Variants in PIK3C2G observed in about 807,000 individuals in gnomAD.
PIK3C2G encodes the protein phosphatidylinositol-4-phosphate 3-kinase catalytic subunit type 2 gamma.
In PIK3C2G, 168 loss-of-function variants were observed where a neutral mutation model predicts 181.1. The observed-to-expected ratio is 0.93, with a 90% CI of 0.82 to 1.05. The LOEUF is 1.05. Among genes scored for constraint, PIK3C2G ranks in the 50% least tolerant of loss-of-function variants. The pLI is 0.00. For synonymous variants in PIK3C2G, 573 were observed against 592.2 expected (o/e 0.97, Z 0.47); for missense variants, 1,869 against 1,732.8 (o/e 1.08, Z -1.40).
At chr12:18,404,526 A>G (rs1361150723) in intron 16 of PIK3C2G, among the ~76,000 whole-genome samples, 1 of 152,192 alleles carries the variant, frequency 6.6e-6, no homozygotes, top group Non-Finnish European at 1.5e-5. Flanking sequence ...TCTTTCAAGG[A>G]AAGTAAGGAA....
intron 5 of PIK3C2G, among the ~76,000 whole-genome samples, chr12:18,313,513 T>A (rs767992460): frequency 6.6e-5 from 10 of 152,110 alleles, no homozygotes; most frequent in Non-Finnish European, 1.0e-4. Context: ...CACATCCCAA[T>A]GCTTTCTTGA....
At chr12:18,244,276 G>A (rs1327594939), upstream of PIK3C2G, among the ~76,000 whole-genome samples, 1 of 151,928 alleles carries the variant, frequency 6.6e-6, no homozygotes, top group Non-Finnish European at 1.5e-5. Flanking sequence ...GCTAATAGCA[G>A]AGCCTAAAAT....
At chr12:18,632,102 T>G (rs1413215197) in intron 31 of PIK3C2G, among the ~76,000 whole-genome samples, 1 of 152,024 alleles carries the variant, frequency 6.6e-6, no homozygotes, top group Non-Finnish European at 1.5e-5. Context: ...TATCCTATGG[T>G]GCACAGAACA....
At chr12:18,373,341 T>C (rs990579430) in intron 13 of PIK3C2G, among the ~76,000 whole-genome samples, 1 of 152,200 alleles carries the variant, frequency 6.6e-6, no homozygotes, top group Non-Finnish European at 1.5e-5. Flanking sequence ...GGAACTATAA[T>C]GAGCGCTTAT....
chr12:18,274,092 A>C (rs921248798), intron 1 of PIK3C2G, among the ~76,000 whole-genome samples: 1 of 152,184 alleles, frequency 6.6e-6, no homozygotes, highest in African/African-American at 2.4e-5. Flanking sequence ...GCAAATCAAA[A>C]CCACAATGAG....
intron 1 of PIK3C2G, among the ~76,000 whole-genome samples, chr12:18,267,067 C>T (rs1472892925): frequency 1.3e-5 from 2 of 152,010 alleles, no homozygotes; most frequent in East Asian, 3.9e-4. Flanking sequence ...TAGTTCTCTC[C>T]TTTCTATGAA....
At chr12:18,462,907 T>C (rs894336012) in intron 18 of PIK3C2G, among the ~76,000 whole-genome samples, 3 of 151,714 alleles carry the variant, frequency 2.0e-5, no homozygotes, top group African/African-American at 2.4e-5. Context: ...TGCATTCTTT[T>C]CAATGGTTTG....
At chr12:18,657,929 C>T in the PIK3C2G span, among the ~76,000 whole-genome samples, 1,699 of 151,978 alleles carry the variant, frequency 0.011, 27 homozygotes, top group African/African-American at 0.039. Flanking sequence ...TTAAGGAAAC[C>T]ACATACAAAG....
chr12:18,675,402 T>C, the PIK3C2G span, among the ~76,000 whole-genome samples: 2 of 152,160 alleles, frequency 1.3e-5, no homozygotes, highest in African/African-American at 4.8e-5. Context: ...TAAAAGAGAA[T>C]ATTGATACAC....
At chr12:18,473,581 G>GCAGC (rs1938665552) in intron 18 of PIK3C2G, among the ~76,000 whole-genome samples, 1 of 152,070 alleles carries the variant, frequency 6.6e-6, no homozygotes, top group Non-Finnish European at 1.5e-5. Context: ...TGTATCTAGA[G>GCAGC]CAGCCATTCA....
At chr12:18,497,025 C>T (rs1292324456) in intron 21 of PIK3C2G, among the ~76,000 whole-genome samples, 1 of 152,162 alleles carries the variant, frequency 6.6e-6, no homozygotes, top group Non-Finnish European at 1.5e-5. Context: ...TGGACATATG[C>T]AATCTCCTTA....
At chr12:18,257,659 G>GGAAA (rs968323170), upstream of PIK3C2G, among the ~76,000 whole-genome samples, 2 of 136,894 alleles carry the variant, frequency 1.5e-5, no homozygotes, top group African/African-American at 5.4e-5. Context: ...AAAGAAAGAA[G>GGAAA]GAAAGAAAGA....
chr12:18,355,805 T>C (rs75690960), intron 11 of PIK3C2G, among the ~76,000 whole-genome samples: 202 of 152,342 alleles, frequency 1.3e-3, no homozygotes, highest in African/African-American at 4.7e-3. Context: ...TGTATTGTTC[T>C]GAGTTGCATA....
At chr12:18,434,449 T>C (rs1946337412) in intron 18 of PIK3C2G, among the ~76,000 whole-genome samples, 1 of 151,892 alleles carries the variant, frequency 6.6e-6, no homozygotes, top group South Asian at 2.1e-4. Flanking sequence ...CATAGAATCA[T>C]AGAAAGAGAA....
intron 30 of PIK3C2G, among the ~76,000 whole-genome samples, chr12:18,603,597 A>T (rs1005574397): frequency 6.6e-6 from 1 of 152,184 alleles, no homozygotes; most frequent in Admixed American, 6.5e-5. Flanking sequence ...AGACAAGGGA[A>T]AGAATCTTAA....
intron 25 of PIK3C2G, among the ~76,000 whole-genome samples, chr12:18,542,654 G>A (rs1944222438): frequency 6.6e-6 from 1 of 151,870 alleles, no homozygotes; most frequent in Admixed American, 6.6e-5. Flanking sequence ...GTGAGAATAT[G>A]CAGTATGTGG....
chr12:18,580,203 C>T (rs1345267123), intron 29 of PIK3C2G, among the ~76,000 whole-genome samples: 6 of 151,680 alleles, frequency 4.0e-5, no homozygotes, highest in Non-Finnish European at 8.8e-5. Context: ...ATAGCAGTAC[C>T]TAAATAAATG....
intron 6 of PIK3C2G, among the ~76,000 whole-genome samples, chr12:18,320,506 T>C (rs1282444093): frequency 6.6e-6 from 1 of 152,226 alleles, no homozygotes; most frequent in Non-Finnish European, 1.5e-5. Context: ...TCTCTTACAC[T>C]GACATTTTGG....
chr12:18,397,424 AG>A, intron 15 of PIK3C2G, among the ~76,000 whole-genome samples: 1 of 152,166 alleles, frequency 6.6e-6, no homozygotes, highest in African/African-American at 2.4e-5. Flanking sequence ...TTGTATTCAG[AG>A]TATATAAAGA....
Sources: gnomAD v4.1 joint callset for allele counts (sites outside exome capture counted in the v4.1 genomes callset) on GRCh38, gnomAD v4.1.1 for gene constraint, MANE v1.5 for transcripts, NCBI Gene and HGNC (gene_info 2026-07-23, HGNC 2026-07-21) for gene names.